NCALD: variants seen among roughly 807,000 people sequenced by gnomAD.
NCALD encodes neurocalcin-delta.
In NCALD, 10 loss-of-function variants were observed where a neutral mutation model predicts 18.6. The observed-to-expected ratio is 0.54, with a 90% confidence interval of 0.33 to 0.91. The LOEUF is 0.91. NCALD is among the 40% of genes least tolerant of loss of function. NCALD has a pLI of 0.03. For synonymous variants in NCALD, 88 were observed against 87.4 expected, an observed-to-expected ratio of 1.01 and a Z score of -0.04; for missense variants, 184 against 247.6, an observed-to-expected ratio of 0.74 and a Z score of 1.72.
intron 2 of NCALD, among the ~76,000 whole-genome samples, chr8:101,718,713 C>T (rs1477517110): frequency 6.6e-6 from 1 of 152,180 alleles, no homozygotes; most frequent in East Asian, 1.9e-4. Flanking sequence ...CAGCCAAGGG[C>T]ATTCTAAAGT....
At chr8:101,910,993 G>A (rs1563888501) in intron 3 of NCALD, among the ~76,000 whole-genome samples, 1 of 152,080 alleles carries the variant, frequency 6.6e-6, no homozygotes, top group Non-Finnish European at 1.5e-5. Context: ...AACAGGAAAG[G>A]TTACTTCTAT....
intron 1 of NCALD, among the ~76,000 whole-genome samples, chr8:101,763,966 CCACACA>C (rs754411989): frequency 0.012 from 1,015 of 85,282 alleles, 19 homozygotes; most frequent in African/African-American, 0.033. Flanking sequence ...CTCTCTCTCT[CCACACA>C]CACACACACA....
chr8:101,940,616 G>A (rs932545588), intron 2 of NCALD, among the ~76,000 whole-genome samples: 2 of 152,182 alleles, frequency 1.3e-5, no homozygotes, highest in Non-Finnish European at 2.9e-5. Flanking sequence ...CAGGTTTTGG[G>A]AAACTCAGAG....
intron 1 of NCALD, among the ~76,000 whole-genome samples, chr8:101,737,389 C>G (rs957314490): frequency 2.6e-5 from 4 of 152,228 alleles, no homozygotes; most frequent in African/African-American, 9.6e-5. Flanking sequence ...AAAATATTAA[C>G]TGCTCAGCCT....
chr8:101,698,993 C>T (rs1030651286), intron 2 of NCALD, among the ~76,000 whole-genome samples: 1 of 151,698 alleles, frequency 6.6e-6, no homozygotes, highest in Non-Finnish European at 1.5e-5. Flanking sequence ...AGGCAACCTA[C>T]AGAATGGGAG....
rs1260859926 is a variant in NCALD, at chr8:102,074,633, C to T, written c.-210+49604G>A. On this transcript the variant is annotated intron_variant, in intron 1 of 6. Transcript: ENST00000311028. ...GAAATTAGATTTATGGCCATCAACC[C>T]TGACTGCACTTGATCAGCAGCTCTC... 3.3e-5 allele frequency among the ~76,000 whole-genome samples: 5 copies of T among 152,246 alleles called. 1 individual carries two copies.
intron 1 of NCALD, among the ~76,000 whole-genome samples, chr8:102,090,240 A>G (rs968807230): frequency 3.9e-5 from 6 of 152,220 alleles, no homozygotes; most frequent in Non-Finnish European, 4.4e-5. Context: ...TATGTTATCA[A>G]AGTTATAATT....
chr8:101,928,730 C>T lies in NCALD; in HGVS notation c.-156-12872G>A, dbSNP rs184793757. Among the ~76,000 whole-genome samples, 3 of 152,014 alleles carry T rather than the reference C, an allele frequency of 2.0e-5. 1 individual carries two copies. Among genetic ancestry groups the T allele is most frequent in the Admixed American group, 2.0e-4 (3 of 15,254 alleles). ...CTTCTTACAACTTTCAGTGTGGTTG[C>T]CTCTTGCAACTTTTCTCTAAACGTT... On this transcript the variant is annotated intron_variant, in intron 2 of 6. Transcript: ENST00000311028.
intron 3 of NCALD, among the ~76,000 whole-genome samples, chr8:101,910,259 G>A (rs750899064): frequency 3.3e-5 from 5 of 152,150 alleles, no homozygotes; most frequent in Non-Finnish European, 5.9e-5. Flanking sequence ...TGAGCACTGG[G>A]CAGGGCAAAT....
At chr8:101,923,741 C>T (rs115173010) in intron 2 of NCALD, among the ~76,000 whole-genome samples, 3,907 of 152,020 alleles carry the variant, frequency 0.026, 92 homozygotes, top group African/African-American at 0.061. Flanking sequence ...AAAATAAGTT[C>T]TTTCTCTTAT....
At chr8:101,741,936 C>CAAAA (rs71278804) in intron 1 of NCALD, among the ~76,000 whole-genome samples, 4 of 76,106 alleles carry the variant, frequency 5.3e-5, no homozygotes, top group East Asian at 3.7e-4. Flanking sequence ...AAGCCTGTCT[C>CAAAA]AAAAAAAAAA....
chr8:102,023,752 G>A (rs1014163537), intron 1 of NCALD, among the ~76,000 whole-genome samples: 3 of 152,198 alleles, frequency 2.0e-5, no homozygotes, highest in Non-Finnish European at 4.4e-5. Flanking sequence ...AGGAAGGTCT[G>A]CCATTATCAG....
At chr8:101,825,334 A>T (rs1813891314) in intron 4 of NCALD, among the ~76,000 whole-genome samples, 2 of 152,232 alleles carry the variant, frequency 1.3e-5, no homozygotes, top group South Asian at 4.1e-4. Context: ...AGCATCTTCC[A>T]GTCTAGTTCG....
intron 1 of NCALD, chr8:102,123,637 A>C (rs1323158320): frequency 6.6e-6 from 1 of 152,426 alleles, no homozygotes; most frequent in Non-Finnish European, 1.5e-5. Context: ...CCTCGAGCGC[A>C]AGGGACACGA....
chr8:102,121,106 C>G (rs901092518), intron 1 of NCALD, among the ~76,000 whole-genome samples: 2 of 152,164 alleles, frequency 1.3e-5, no homozygotes, highest in Non-Finnish European at 2.9e-5. Context: ...CAATATGAAA[C>G]CAATATGTCT....
intron 1 of NCALD, among the ~76,000 whole-genome samples, chr8:102,081,640 T>G (rs1323222964): frequency 1.1e-4 from 16 of 151,346 alleles, no homozygotes; most frequent in Admixed American, 1.1e-3. Context: ...AATTCTCCCA[T>G]TAGTTCAGTC....
At chr8:101,933,132 C>T (rs79986256) in intron 2 of NCALD, among the ~76,000 whole-genome samples, 2,881 of 152,266 alleles carry the variant, frequency 0.019, 90 homozygotes, top group African/African-American at 0.065. Flanking sequence ...AACCTAGGAT[C>T]GCTGTTGTAG....
intron 2 of NCALD, among the ~76,000 whole-genome samples, chr8:101,919,273 T>A (rs1818078817): frequency 6.6e-6 from 1 of 151,988 alleles, no homozygotes; most frequent in Admixed American, 6.6e-5. Flanking sequence ...AAAAGAAGCA[T>A]CGGGGAAAGG....
At chr8:101,884,965 G>A (rs1174309550) in intron 4 of NCALD, among the ~76,000 whole-genome samples, 1 of 152,130 alleles carries the variant, frequency 6.6e-6, no homozygotes, top group Admixed American at 6.5e-5. Flanking sequence ...TTGACAGAGG[G>A]GAATTTGTGG....
Sources: allele counts gnomAD v4.1 joint callset (sites outside exome capture counted in the v4.1 genomes callset), GRCh38; gene constraint gnomAD v4.1.1; transcripts MANE v1.5; gene names NCBI Gene and HGNC (gene_info 2026-07-23, HGNC 2026-07-21).